The following KSR2 variants were observed in gnomAD, a reference collection of about 807,000 sequenced individuals.
KSR2 encodes kinase suppressor of ras 2.
In KSR2, 25 loss-of-function variants were observed where a neutral mutation model predicts 107.8. That is an observed-to-expected ratio of 0.23 (90% CI 0.17 to 0.32). The LOEUF is 0.32. KSR2 is among the 10% of genes least tolerant of loss of function. The pLI, the probability that KSR2 is intolerant of heterozygous loss-of-function variation, is 1.00. For synonymous variants in KSR2, 480 were observed against 507.0 expected, an observed-to-expected ratio of 0.95 and a Z score of 0.71; for missense variants, 887 against 1,268.9, an observed-to-expected ratio of 0.70 and a Z score of 4.57.
intron 8 of KSR2, among the ~76,000 whole-genome samples, chr12:117,556,887 C>T (rs1435554620): frequency 6.6e-6 from 1 of 152,116 alleles, no homozygotes; most frequent in Non-Finnish European, 1.5e-5. Context: ...AGCATATGGG[C>T]CAGGCGCGGT....
At chr12:117,745,108 G>A (rs1372443950) in intron 4 of KSR2, among the ~76,000 whole-genome samples, 1 of 152,066 alleles carries the variant, frequency 6.6e-6, no homozygotes, top group Non-Finnish European at 1.5e-5. Flanking sequence ...GTGAAAAGAG[G>A]AGGCAAACTC....
chr12:117,790,037 G>A (rs1890202961), intron 3 of KSR2, among the ~76,000 whole-genome samples: 1 of 152,130 alleles, frequency 6.6e-6, no homozygotes, highest in African/African-American at 2.4e-5. Flanking sequence ...CGTCACACCT[G>A]GACCCCTGCC....
chr12:117,678,102 A>ATTTT (rs35096843), intron 4 of KSR2, among the ~76,000 whole-genome samples: 6 of 127,544 alleles, frequency 4.7e-5, no homozygotes, highest in African/African-American at 5.8e-5. Context: ...AGCCCAGCTA[A>ATTTT]TTTTTTTTTT....
At chr12:117,530,083 A>C (rs1267338606) in intron 12 of KSR2, among the ~76,000 whole-genome samples, 2 of 152,176 alleles carry the variant, frequency 1.3e-5, no homozygotes, top group Non-Finnish European at 2.9e-5. Context: ...TAATATTCAT[A>C]AAATGTGATG....
At chr12:117,771,084 C>T (rs1271067836) in intron 3 of KSR2, among the ~76,000 whole-genome samples, 1 of 152,122 alleles carries the variant, frequency 6.6e-6, no homozygotes, top group East Asian at 1.9e-4. Context: ...CTTTTACTCC[C>T]TTTATACATG....
intron 5 of KSR2, among the ~76,000 whole-genome samples, chr12:117,593,513 G>C (rs1321271118): frequency 6.6e-6 from 1 of 152,346 alleles, no homozygotes; most frequent in Admixed American, 6.5e-5. Context: ...AGGCAACTAG[G>C]GGGACACAAA....
chr12:117,968,847 C>CGCGGCTGCG lies in KSR2; in HGVS notation c.-601_-593dup, dbSNP rs1164776980. 2 of 213,732 alleles carry CGCGGCTGCG rather than the reference C, an allele frequency of 9.4e-6. No homozygotes were observed. The highest frequency in any genetic ancestry group is 1.9e-5 in the Non-Finnish European group (2 of 105,782). 13.2% of individuals were successfully genotyped at this position (213,732 alleles called of 1,614,324 possible). Reference sequence around the variant, plus strand: ...CTCAAGGTGCTGTCTGCATTGCTCCCGCGGCTGCGGCGGCTACTGCGGCTG... The same window carrying CGCGGCTGCG: ...CTCAAGGTGCTGTCTGCATTGCTCCCGCGGCTGCGGCGGCTGCGGCGGCTACTGCGGCTG... On this transcript the variant is annotated 5_prime_UTR_variant, in exon 1 of 20. Transcript: ENST00000339824.
chr12:117,830,229 T>C (rs796232664), intron 3 of KSR2, among the ~76,000 whole-genome samples: 32 of 151,834 alleles, frequency 2.1e-4, no homozygotes, highest in Admixed American at 1.1e-3. Flanking sequence ...GATCAAGCCA[T>C]TGCTACTCCA....
intron 4 of KSR2, among the ~76,000 whole-genome samples, chr12:117,692,873 C>T (rs1593136791): frequency 6.6e-6 from 1 of 152,034 alleles, no homozygotes; most frequent in Non-Finnish European, 1.5e-5. Flanking sequence ...TGCAGACTGG[C>T]AGTTGCCATG....
chr12:117,933,696 T>C (rs1895757376), intron 1 of KSR2, among the ~76,000 whole-genome samples: 1 of 152,208 alleles, frequency 6.6e-6, no homozygotes, highest in South Asian at 2.1e-4. Context: ...TAAAGTACTT[T>C]GGTTTATGGT....
At chr12:117,653,941 A>G (rs1451344910) in intron 5 of KSR2, among the ~76,000 whole-genome samples, 3 of 152,164 alleles carry the variant, frequency 2.0e-5, no homozygotes, top group Non-Finnish European at 4.4e-5. Context: ...AATGGTGTTT[A>G]AGGTGTCAGT....
intron 7 of KSR2, among the ~76,000 whole-genome samples, chr12:117,568,726 AATTATCATCATCATT>A (rs1394687767): frequency 6.6e-6 from 1 of 152,188 alleles, no homozygotes; most frequent in Non-Finnish European, 1.5e-5. Flanking sequence ...GCATCATCAT[AATTATCATCATCATT>A]ATCACATCTA....
chr12:117,519,346 G>A (rs1290632741), intron 14 of KSR2, among the ~76,000 whole-genome samples: 3 of 152,176 alleles, frequency 2.0e-5, no homozygotes, highest in Admixed American at 6.5e-5. Flanking sequence ...TAAAGCAGCA[G>A]GTCTCACAAT....
At chr12:117,617,615 G>A (rs751926902) in intron 5 of KSR2, among the ~76,000 whole-genome samples, 4 of 152,194 alleles carry the variant, frequency 2.6e-5, no homozygotes. Context: ...ACTGTATGAA[G>A]CAATTTATAT....
At chr12:117,552,959 C>T (rs1402306926) in intron 9 of KSR2, among the ~76,000 whole-genome samples, 2 of 152,250 alleles carry the variant, frequency 1.3e-5, no homozygotes, top group Admixed American at 6.5e-5. Flanking sequence ...CCTCTGCTCT[C>T]TGTCCTAATT....
intron 19 of KSR2, chr12:117,467,917 G>GTTTT: frequency 2.5e-5 from 5 of 199,414 alleles, no homozygotes; most frequent in East Asian, 1.5e-4. Flanking sequence ...CCACAGTCCT[G>GTTTT]TGTTTTTTTT....
At chr12:117,600,469 C>T (rs1420661738) in intron 5 of KSR2, among the ~76,000 whole-genome samples, 1 of 152,156 alleles carries the variant, frequency 6.6e-6, no homozygotes, top group Admixed American at 6.5e-5. Flanking sequence ...CCCTCCGTCT[C>T]CTTTACCTGG....
intron 5 of KSR2, among the ~76,000 whole-genome samples, chr12:117,611,463 C>CACACACACACACACACACACACACA (rs1555221599): frequency 1.3e-5 from 2 of 152,112 alleles, no homozygotes; most frequent in South Asian, 4.2e-4. Context: ...CACACACACA[C>CACACACACACACACACACACACACA]GTGTATCCAC....
chr12:117,951,853 T>C (rs1896373899), intron 1 of KSR2, among the ~76,000 whole-genome samples: 1 of 152,112 alleles, frequency 6.6e-6, no homozygotes, highest in Non-Finnish European at 1.5e-5. Context: ...CTAACCATCA[T>C]AGGTTATCCA....
Sources: gnomAD v4.1 joint callset for allele counts (sites outside exome capture counted in the v4.1 genomes callset) on GRCh38, gnomAD v4.1.1 for gene constraint, MANE v1.5 for transcripts, NCBI Gene and HGNC (gene_info 2026-07-23, HGNC 2026-07-21) for gene names.